Variants in PDPR observed in about 807,000 individuals in gnomAD.
The protein encoded by PDPR is pyruvate dehydrogenase phosphatase regulatory subunit.
Under a neutral mutation model 102.2 loss-of-function variants are expected in PDPR, and 50 were observed. The observed-to-expected ratio is 0.49, with a 90% CI of 0.39 to 0.62. PDPR has a LOEUF of 0.62. Among genes scored for constraint, PDPR ranks in the 20% least tolerant of loss-of-function variants. PDPR has a pLI of 0.00. For synonymous variants in PDPR, 259 were observed against 406.0 expected, an observed-to-expected ratio of 0.64 and a Z score of 4.35; for missense variants, 625 against 1,098.2, an observed-to-expected ratio of 0.57 and a Z score of 6.09.
At chr16:70,129,408 A>C (rs998634165) in intron 6 of PDPR, among the ~76,000 whole-genome samples, 2 of 152,276 alleles carry the variant, frequency 1.3e-5, no homozygotes, top group African/African-American at 4.8e-5. Flanking sequence ...GCAATGGCAC[A>C]ATCTTGGCTC....
Position 70,135,242 on chromosome 16 carries a change from T to C in PDPR, c.998-952T>C, listed in dbSNP as rs1285006911. ...TTCCAATGCAGAACATTGCCTTTTT[T>C]TTTTTTTTTCCTGAGATGGAGTTTC... On this transcript the variant is annotated intron_variant, in intron 9 of 18. Transcript: ENST00000288050. 5.9e-5 allele frequency among the ~76,000 whole-genome samples: 9 copies of C among 151,956 alleles called. No individual in the cohort carries two copies. In the East Asian group the frequency reaches 7.7e-4, roughly 13 times the overall value.
chr16:70,122,972 C>T (rs1372378448), intron 3 of PDPR, among the ~76,000 whole-genome samples: 1 of 152,196 alleles, frequency 6.6e-6, no homozygotes, highest in Non-Finnish European at 1.5e-5. Flanking sequence ...GTGATCTCGG[C>T]TCACTGCAAC....
chr16:70,120,372 AAT>A (rs1567517585), intron 2 of PDPR, 87 bp from the exon 3 acceptor site: 3 of 722,692 alleles, frequency 4.2e-6, no homozygotes, highest in Non-Finnish European at 7.1e-6. Flanking sequence ...TTGCTGAATG[AAT>A]GGCTATCGTT....
intron 17 of PDPR, 105 bp from the exon 18 acceptor site, chr16:70,153,286 C>T (rs1966843490): frequency 1.1e-5 from 14 of 1,244,718 alleles, no homozygotes; most frequent in Non-Finnish European, 1.3e-5. Context: ...TTATACGCCT[C>T]CTCTCTTGTC....
chr16:70,146,736 C>T (rs1230299937), intron 16 of PDPR, among the ~76,000 whole-genome samples: 1 of 22,874 alleles, frequency 4.4e-5, no homozygotes, highest in South Asian at 1.6e-3. Flanking sequence ...GGTGTGGTGG[C>T]GCATGCCTGT....
intron 10 of PDPR, among the ~76,000 whole-genome samples, chr16:70,136,865 C>T (rs1009344593): frequency 6.6e-6 from 1 of 152,216 alleles, no homozygotes; most frequent in Non-Finnish European, 1.5e-5. Context: ...ACCTCAGCCT[C>T]CCGAGTAGCT....
Position 70,158,793 on chromosome 16 carries a change from G to A in PDPR, c.*1914G>A, listed in dbSNP as rs1967494102. Reference sequence around the variant, plus strand: ...GGCAGATGCAGGCATTACCAGCAGGGAGCAGACTTACCTCCGAAGATGGAG... The same window carrying A: ...GGCAGATGCAGGCATTACCAGCAGGAAGCAGACTTACCTCCGAAGATGGAG... On this transcript the variant is annotated 3_prime_UTR_variant, in exon 19 of 19. Transcript: ENST00000288050. 1 of 152,946 alleles carries A rather than the reference G, an allele frequency of 6.5e-6. No homozygotes were observed. Among genetic ancestry groups the A allele is most frequent in the African/African-American group, 2.4e-5 (1 of 41,490 alleles). The allele number at this position is 152,946 out of a possible 1,614,324, so 9.5% of individuals were successfully genotyped here. A position where few individuals can be genotyped will look rare whatever the true frequency, so the allele number is the denominator to read the frequency against.
intron 3 of PDPR, among the ~76,000 whole-genome samples, chr16:70,126,103 C>T (rs1459944386): frequency 6.6e-6 from 1 of 152,276 alleles, no homozygotes; most frequent in Non-Finnish European, 1.5e-5. Flanking sequence ...ATACCTTACA[C>T]ACTGTTCTTC....
Position 70,160,592 on chromosome 16 carries a change from T to G in PDPR, c.*3713T>G, listed in dbSNP as rs2152128599. The G allele has an allele frequency of 6.5e-6, 1 of 152,710 alleles. No homozygotes were observed. Among genetic ancestry groups the G allele is most frequent in the South Asian group, 2.1e-4 (1 of 4,832 alleles). 9.5% of individuals were successfully genotyped at this position (152,710 alleles called of 1,614,324 possible). A position where few individuals can be genotyped will look rare whatever the true frequency, so the allele number is the denominator to read the frequency against. ...TGGAGCCTGGCCACTCCTGTTTGGT[T>G]CTCACTGGGAGGCCCACTGGCCTTG... is the stretch of plus-strand genomic sequence containing the variant. On this transcript the variant is annotated 3_prime_UTR_variant, in exon 19 of 19. Transcript: ENST00000288050.
At chr16:70,143,779 C>G in intron 14 of PDPR, 121 bp downstream of exon 14, 2 of 1,283,042 alleles carry the variant, frequency 1.6e-6, no homozygotes, top group Middle Eastern at 2.1e-4. Context: ...AGAATCATTA[C>G]ATGAAATCAA....
chr16:70,118,494 C>T (rs1962885238), intron 2 of PDPR, among the ~76,000 whole-genome samples: 1 of 152,236 alleles, frequency 6.6e-6, no homozygotes, highest in Non-Finnish European at 1.5e-5. Context: ...GGTCACGGGT[C>T]AGAAGCCAGG....
chr16:70,147,717 T>G (rs2152112629), intron 16 of PDPR: 1 of 394,792 alleles, frequency 2.5e-6, no homozygotes, highest in Admixed American at 3.4e-5. Context: ...CAAAGTGGGA[T>G]CCACCTACAA....
At chr16:70,125,748 C>G (rs1185284808) in intron 3 of PDPR, among the ~76,000 whole-genome samples, 1 of 152,148 alleles carries the variant, frequency 6.6e-6, no homozygotes, top group Non-Finnish European at 1.5e-5. Context: ...ATCCTCCTGC[C>G]TCAGCCTTCT....
At position 70,161,579 on chromosome 16, in the gene PDPR, T is replaced by G. The variant is rs1967794843; in HGVS notation, c.*4700T>G. On this transcript the variant is annotated 3_prime_UTR_variant, in exon 19 of 19. Coordinates refer to ENST00000288050, the MANE Select transcript of PDPR (RefSeq NM_017990.5). ...AGCCATGGGTCTCTCCGTCAGCGCC[T>G]CCCTCCCCGCCACCACTTCAGGCCA... 6.5e-6 allele frequency: 1 copy of G among 152,906 alleles called. No individual in the cohort carries two copies. Among genetic ancestry groups the G allele is most frequent in the Non-Finnish European group, 1.5e-5 (1 of 68,604 alleles). The allele number at this position is 152,906 out of a possible 1,614,324, so 9.5% of individuals were successfully genotyped here. A position where few individuals can be genotyped will look rare whatever the true frequency, so the allele number is the denominator to read the frequency against.
Position 70,120,596 on chromosome 16 carries a change from G to C in PDPR, c.104G>C (p.Arg35Pro), listed in dbSNP as rs745759217. 3.1e-6 allele frequency: 5 copies of C among 1,607,806 alleles called. No homozygotes were observed. Among genetic ancestry groups the C allele is most frequent in the Non-Finnish European group, 4.3e-6 (5 of 1,174,504 alleles). Residue 35 changes from arginine to proline, a missense_variant, in exon 3 of 19, where the codon CGT becomes CCT. Around this residue, in one of 11 missense-constraint regions of PDPR, gnomAD observed 84 missense variants for 87.7 expected, o/e 0.96. Coordinates refer to ENST00000288050, the MANE Select transcript of PDPR (RefSeq NM_017990.5). ...ARNSTSAAEA[R>P]SMALPTQAQV... is the part of the protein sequence containing the mutation. ...AACAGCACGTCAGCTGCCGAGGCGCGTTCCATGGCCCTGCCCACCCAGGCA... is the reference window on the plus strand; with the variant it reads ...AACAGCACGTCAGCTGCCGAGGCGCCTTCCATGGCCCTGCCCACCCAGGCA...
At chr16:70,146,997 C>T (rs1380421748) in intron 16 of PDPR, among the ~76,000 whole-genome samples, 6 of 54,736 alleles carry the variant, frequency 1.1e-4, no homozygotes, top group Non-Finnish European at 1.0e-4. Context: ...TGCAATGGTG[C>T]GATCTCGGCT....
intron 3 of PDPR, among the ~76,000 whole-genome samples, chr16:70,123,479 C>G (rs1261347511): frequency 1.3e-5 from 2 of 152,250 alleles, no homozygotes; most frequent in African/African-American, 2.4e-5. Context: ...CTCAAGTGAT[C>G]CGCCCACCTC....
intron 3 of PDPR, among the ~76,000 whole-genome samples, chr16:70,122,472 C>A (rs1353657846): frequency 3.3e-5 from 5 of 152,282 alleles, no homozygotes; most frequent in Non-Finnish European, 5.9e-5. Flanking sequence ...TTAGGCTGGA[C>A]TCTCAGCAGT....
chr16:70,145,781 G>C (rs1173711308), intron 15 of PDPR: 7 of 472,808 alleles, frequency 1.5e-5, no homozygotes, highest in Non-Finnish European at 2.9e-5. Context: ...AGTGGATTTA[G>C]CTTCTCTGAA....
Sources: allele counts gnomAD v4.1 joint callset (sites outside exome capture counted in the v4.1 genomes callset), GRCh38; gene constraint gnomAD v4.1.1; regional missense constraint gnomAD v4.1.1; transcripts MANE v1.5; gene names NCBI Gene and HGNC (gene_info 2026-07-23, HGNC 2026-07-21).